Variants in SYNM observed in about 807,000 individuals in gnomAD.
The protein encoded by SYNM is synemin.
A neutral mutation model predicts 104.0 loss-of-function variants in SYNM; 95 were observed. That is an observed-to-expected ratio of 0.91 (90% CI 0.77 to 1.08). The LOEUF (loss-of-function observed/expected upper bound fraction) is 1.08. SYNM is among the 50% of genes least tolerant of loss of function. The probability of loss-of-function intolerance (pLI) is 0.00; values close to 1 mark genes in which losing one functional copy is unlikely to be tolerated. For synonymous variants in SYNM, 918 were observed against 869.0 expected (o/e 1.06, Z -0.99); for missense variants, 2,150 against 2,052.2 (o/e 1.05, Z -0.92).
chr15:99,139,323 A>T (rs782375143), downstream of SYNM: 2 of 1,612,922 alleles, frequency 1.2e-6, no homozygotes, highest in Non-Finnish European at 1.7e-6. Flanking sequence ...TCACGTGGAC[A>T]GCATGCCCAT....
rs1555485969 is a variant in SYNM, at chr15:99,131,784, T to C, written c.3424T>C (p.Tyr1142His). ...SEVWRTERMS[Y>H]EGPTAEVVEV... is the part of the protein sequence containing the mutation. Reference sequence around the variant, plus strand: ...AGTCTGGAGGACTGAGCGAATGTCATATGAAGGACCCACTGCAGAAGTGGT... The same window carrying C: ...AGTCTGGAGGACTGAGCGAATGTCACATGAAGGACCCACTGCAGAAGTGGT... The change falls in exon 4 of 4, where the codon TAT becomes CAT. Residue 1142 changes from tyrosine (Y) to histidine (H), a missense_variant. By Grantham distance (83) the Tyr-to-His change is moderately conservative. Coordinates refer to ENST00000336292, the MANE Select transcript of SYNM (RefSeq NM_145728.3). The surrounding 1 kb of genome is among the most constrained non-coding windows in gnomAD (Gnocchi z 4.3). 1.2e-6 allele frequency: 2 copies of C among 1,613,824 alleles called. No individual in the cohort carries two copies. The highest frequency in any genetic ancestry group is 8.5e-7 in the Non-Finnish European group (1 of 1,179,892).
At chr15:99,141,389 AG>A in the SYNM span, among the ~76,000 whole-genome samples, 1 of 152,172 alleles carries the variant, frequency 6.6e-6, no homozygotes, top group Admixed American at 6.6e-5. Context: ...TAGTAAAATA[AG>A]AAGAGCATGG....
In SYNM at chr15:99,105,094, C is replaced by A; in HGVS notation, c.-106C>A. On this transcript the variant is annotated 5_prime_UTR_variant, in exon 1 of 4. Transcript: ENST00000336292. ...GCTCGCGTCCCAGTCTGCGGGCCTCCGGGGCAGCGGCGAGGCCGGAGCGTC... is the reference window on the plus strand; with the variant it reads ...GCTCGCGTCCCAGTCTGCGGGCCTCAGGGGCAGCGGCGAGGCCGGAGCGTC... The A allele has an allele frequency of 1.5e-6, 2 of 1,329,760 alleles. No individual in the cohort carries two copies. The highest frequency in any genetic ancestry group is 1.4e-5 in the South Asian group (1 of 70,848). 82.4% of individuals were successfully genotyped at this position (1,329,760 alleles called of 1,614,324 possible).
In SYNM at chr15:99,129,261, G is replaced by A. The variant is rs2067474624; in HGVS notation, c.1007-106G>A. On this transcript the variant is annotated intron_variant, in intron 3 of 3. Transcript: ENST00000336292. ...ATAATGAGCTTTCTGTGGTAACAGT[G>A]TATATTTATTATGATGGAATGGGAT... is the stretch of plus-strand genomic sequence containing the variant. 2.1e-6 allele frequency: 3 copies of A among 1,446,732 alleles called. No homozygotes were observed. In the East Asian group the frequency reaches 6.9e-5, roughly 33 times the overall value. The allele number at this position is 1,446,732 out of a possible 1,614,324, so 89.6% of individuals were successfully genotyped here.
At chr15:99,121,721 G>C (rs921578) in intron 2 of SYNM, among the ~76,000 whole-genome samples, 116,369 of 151,840 alleles carry the variant, frequency 0.77, 44,889 homozygotes, top group African/African-American at 0.86. Context: ...AGAGCCCAAT[G>C]ATCAGCAAGA....
chr15:99,112,049 AAAAC>A (rs1365980930), intron 1 of SYNM, among the ~76,000 whole-genome samples: 3 of 152,226 alleles, frequency 2.0e-5, no homozygotes, highest in Admixed American at 1.3e-4. Flanking sequence ...ACTGTCTCCA[AAAAC>A]AAACAAAACA....
chr15:99,120,388 G>C (rs1396025894), intron 2 of SYNM, among the ~76,000 whole-genome samples: 3 of 152,152 alleles, frequency 2.0e-5, no homozygotes, highest in African/African-American at 7.2e-5. Flanking sequence ...TGACTTTTTG[G>C]AAAGGGTTTT....
chr15:99,132,286 G>C lies in SYNM; in HGVS notation c.3926G>C (p.Arg1309Thr), dbSNP rs1555486091. Residue 1309 changes from arginine (R) to threonine (T), a missense_variant, in exon 4 of 4, where the codon AGG becomes ACG. Arg to Thr is a moderately conservative substitution (Grantham distance 71, BLOSUM62 -1). Transcript: ENST00000336292. Reference protein sequence around the residue: ...EGLPGSSTSIRHISIGPQRHQ... With the variant: ...EGLPGSSTSITHISIGPQRHQ... ...TTGCCAGGGAGCAGCACATCCATCAGGCACATCAGCATTGGGCCTCAGAGG... is the reference window on the plus strand; with the variant it reads ...TTGCCAGGGAGCAGCACATCCATCACGCACATCAGCATTGGGCCTCAGAGG... 6.2e-7 allele frequency: 1 copy of C among 1,608,612 alleles called. No homozygotes were observed. Among genetic ancestry groups the C allele is most frequent in the Non-Finnish European group, 8.5e-7 (1 of 1,176,070 alleles).
intron 1 of SYNM, among the ~76,000 whole-genome samples, chr15:99,106,962 A>T (rs1555482890): frequency 2.0e-5 from 3 of 152,190 alleles, no homozygotes; most frequent in Admixed American, 2.0e-4. Context: ...TAAAAATTAG[A>T]AGTGAGAGGA....
Position 99,130,151 on chromosome 15 carries a change from G to A in SYNM, c.1791G>A (p.Gln597=). 6.2e-7 allele frequency: 1 copy of A among 1,613,936 alleles called. No homozygotes were observed. The highest frequency in any genetic ancestry group is 8.5e-7 in the Non-Finnish European group (1 of 1,179,906). Residue 597 remains glutamine (Q), a synonymous_variant, in exon 4 of 4, where the codon CAG becomes CAA. Transcript: ENST00000336292. ...RRAEVSPKGL[Q]TPVKDAGGGT... ...CAGAGGTGTCCCCGAAAGGTTTGCA[G>A]ACGCCTGTGAAGGATGCTGGTGGTG...
At chr15:99,137,497 C>CT (rs2067685500), downstream of SYNM, 1 of 152,472 alleles carries the variant, frequency 6.6e-6, no homozygotes, top group Non-Finnish European at 1.5e-5. Flanking sequence ...CCGAAGAACT[C>CT]TGAGGCAGGC....
chr15:99,116,713 G>T (rs2067353290), intron 2 of SYNM, among the ~76,000 whole-genome samples: 1 of 142,400 alleles, frequency 7.0e-6, no homozygotes. Context: ...TGTCACCCAG[G>T]CTGGAGTGTG....
chr15:99,113,763 AC>A (rs2151800757), intron 2 of SYNM, 48 bp downstream of exon 2: 1 of 1,605,184 alleles, frequency 6.2e-7, no homozygotes, highest in East Asian at 2.2e-5. Flanking sequence ...TGGGGGTGTA[AC>A]TTGCACATGA....
rs376360810 is a variant in SYNM, at chr15:99,129,778, G to A, written c.1418G>A (p.Arg473Gln). 422 of 1,613,542 alleles carry A rather than the reference G, an allele frequency of 2.6e-4. 5 individuals carry two copies. The East Asian group carries it at 8.2e-3, about 31-fold the overall frequency. Reference sequence around the variant, plus strand: ...TCCACAATTGCCCGCGAGTCGTACCGGGATCGCCGAGACAAGGTGGCAGCA... The same window carrying A: ...TCCACAATTGCCCGCGAGTCGTACCAGGATCGCCGAGACAAGGTGGCAGCA... The part of the protein sequence containing the change: ...EDSTIARESY[R>Q]DRRDKVAAGA... Residue 473 changes from arginine to glutamine, a missense_variant, in exon 4 of 4, where the codon CGG becomes CAG. Arg to Gln is a conservative substitution (Grantham distance 43). Coordinates refer to ENST00000336292, the MANE Select transcript of SYNM (RefSeq NM_145728.3).
Position 99,105,875 on chromosome 15 carries a change from G to C in SYNM, c.676G>C (p.Glu226Gln). The C allele has an allele frequency of 6.5e-7, 1 of 1,541,032 alleles. No individual in the cohort carries two copies. The highest frequency in any genetic ancestry group is 8.7e-7 in the Non-Finnish European group (1 of 1,146,286). ...GQESRLQAEE[E>Q]TRLCAQEAEA... ...GGAGAGCAGACTCCAGGCGGAGGAA[G>C]AGACGCGGCTGTGCGCGCAGGAGGC... The change falls in exon 1 of 4, where the codon GAG becomes CAG. Residue 226 changes from glutamate to glutamine, a missense_variant. Glu to Gln is a conservative substitution (Grantham distance 29). Transcript: ENST00000336292.
intron 2 of SYNM, among the ~76,000 whole-genome samples, chr15:99,124,216 C>A (rs1297798436): frequency 6.6e-6 from 1 of 152,224 alleles, no homozygotes; most frequent in Non-Finnish European, 1.5e-5. Flanking sequence ...CTACCCATTT[C>A]TTAAAGTGGT....
chr15:99,139,205 T>C (rs1555488715), downstream of SYNM: 5 of 1,375,676 alleles, frequency 3.6e-6, no homozygotes, highest in Non-Finnish European at 5.0e-6. Context: ...TTATGGGAAG[T>C]CAGCAAAACA....
downstream of SYNM, chr15:99,139,022 G>A (rs1454459022): frequency 1.3e-5 from 6 of 449,142 alleles, no homozygotes; most frequent in Non-Finnish European, 2.1e-5. Context: ...GGAGGCCACA[G>A]GGATTCCCGG....
intron 1 of SYNM, among the ~76,000 whole-genome samples, chr15:99,112,237 A>T (rs1006254640): frequency 6.6e-6 from 1 of 152,214 alleles, no homozygotes; most frequent in Non-Finnish European, 1.5e-5. Context: ...TTCTACAAAG[A>T]TAAATGTTTA....
Sources: allele counts gnomAD v4.1 joint callset (sites outside exome capture counted in the v4.1 genomes callset), GRCh38; gene constraint gnomAD v4.1.1; non-coding constraint Gnocchi (gnomAD v3.1); transcripts MANE v1.5; gene names NCBI Gene and HGNC (gene_info 2026-07-23, HGNC 2026-07-21).